The following CTNND1 variants were observed in gnomAD, a reference collection of about 807,000 sequenced individuals.
CTNND1 encodes the protein catenin delta 1, also known as catenin delta-1.
Under a neutral mutation model 112.1 loss-of-function variants are expected in CTNND1, and 16 were observed. The observed-to-expected ratio is 0.14, with a 90% CI of 0.10 to 0.22. The LOEUF (loss-of-function observed/expected upper bound fraction) is 0.22. Among genes scored for constraint, CTNND1 ranks in the 10% least tolerant of loss-of-function variants. The probability of loss-of-function intolerance (pLI) is 1.00; values close to 1 mark genes in which losing one functional copy is unlikely to be tolerated. For synonymous variants in CTNND1, 420 were observed against 446.5 expected, an observed-to-expected ratio of 0.94 and a Z score of 0.75; for missense variants, 1,008 against 1,257.0, an observed-to-expected ratio of 0.80 and a Z score of 3.00.
chr11:57,790,010 GT>G, intron 2 of CTNND1, among the ~76,000 whole-genome samples: 1 of 152,206 alleles, frequency 6.6e-6, no homozygotes. Context: ...CAAGGAACAC[GT>G]TTTGCCATCA....
chr11:57,799,893 C>T (rs1313999813), intron 6 of CTNND1, among the ~76,000 whole-genome samples: 1 of 150,534 alleles, frequency 6.6e-6, no homozygotes, highest in African/African-American at 2.4e-5. Context: ...TAACTATATC[C>T]TATTTTCCCT....
intron 1 of CTNND1, among the ~76,000 whole-genome samples, chr11:57,769,829 T>C (rs1428771364): frequency 6.6e-6 from 1 of 152,220 alleles, no homozygotes; most frequent in Non-Finnish European, 1.5e-5. Context: ...AAGACTGATC[T>C]CTTCTAGTGA....
intron 1 of CTNND1, among the ~76,000 whole-genome samples, chr11:57,787,119 G>A (rs752740359): frequency 1.7e-4 from 26 of 152,200 alleles, no homozygotes; most frequent in Non-Finnish European, 2.9e-4. Context: ...GATAGTAAAT[G>A]TAAAACATTC....
chr11:57,812,178 C>T (rs1371587266), intron 17 of CTNND1, among the ~76,000 whole-genome samples: 1 of 152,144 alleles, frequency 6.6e-6, no homozygotes, highest in Non-Finnish European at 1.5e-5. Context: ...GTCTTCATTG[C>T]CACTCACATA....
chr11:57,814,981 T>C (rs546156463), intron 18 of CTNND1, among the ~76,000 whole-genome samples: 3 of 152,320 alleles, frequency 2.0e-5, no homozygotes, highest in South Asian at 4.1e-4. Flanking sequence ...TCAAGTTCTT[T>C]TTTTGAGACA....
At chr11:57,785,879 A>G (rs892209182) in intron 1 of CTNND1, among the ~76,000 whole-genome samples, 2 of 151,356 alleles carry the variant, frequency 1.3e-5, no homozygotes, top group Admixed American at 6.6e-5. Context: ...TGGACCTCCT[A>G]TCTGGTTAGC....
intron 1 of CTNND1, among the ~76,000 whole-genome samples, chr11:57,772,909 C>G (rs1021188044): frequency 6.6e-6 from 1 of 152,042 alleles, no homozygotes; most frequent in Non-Finnish European, 1.5e-5. Context: ...AGCCCTGGCT[C>G]TTAACCTGGT....
intron 1 of CTNND1, among the ~76,000 whole-genome samples, chr11:57,771,287 A>G (rs535724777): frequency 6.6e-6 from 1 of 152,364 alleles, no homozygotes; most frequent in Non-Finnish European, 1.5e-5. Context: ...AAGAGCTTAC[A>G]TTCTAGTTGT....
intron 16 of CTNND1, 53 bp downstream of exon 16, chr11:57,810,276 A>C (rs970484565): frequency 1.5e-6 from 2 of 1,310,568 alleles, no homozygotes; most frequent in African/African-American, 3.0e-5. Flanking sequence ...TGGTCCCAGG[A>C]TAATGCTTCT....
intron 1 of CTNND1, among the ~76,000 whole-genome samples, chr11:57,779,568 A>G (rs1269610033): frequency 6.6e-6 from 1 of 152,194 alleles, no homozygotes; most frequent in Non-Finnish European, 1.5e-5. Context: ...GATTGCTAAC[A>G]TACCACTAGA....
intron 1 of CTNND1, among the ~76,000 whole-genome samples, chr11:57,769,072 T>G (rs1285303472): frequency 6.6e-6 from 1 of 151,602 alleles, no homozygotes; most frequent in Non-Finnish European, 1.5e-5. Flanking sequence ...TTTGGGAGGC[T>G]GAGGCAGGCG....
intron 9 of CTNND1, among the ~76,000 whole-genome samples, chr11:57,805,550 CT>C (rs55981926): frequency 0.93 from 140,238 of 151,418 alleles, 65,865 homozygotes; most frequent in East Asian, 1. Flanking sequence ...GCTTTTTTTT[CT>C]TTTTTTTTTA....
intron 3 of CTNND1, among the ~76,000 whole-genome samples, chr11:57,793,781 C>T (rs1033146580): frequency 6.6e-6 from 1 of 152,168 alleles, no homozygotes; most frequent in African/African-American, 2.4e-5. Flanking sequence ...AGTTTACGTT[C>T]TTATGTTCCA....
intron 1 of CTNND1, among the ~76,000 whole-genome samples, chr11:57,769,894 T>C (rs771206999): frequency 5.3e-5 from 8 of 151,550 alleles, no homozygotes; most frequent in Non-Finnish European, 8.8e-5. Context: ...CTTGATTAAT[T>C]ACTCATTTTG....
intron 1 of CTNND1, among the ~76,000 whole-genome samples, chr11:57,785,763 G>A (rs966861209): frequency 1.3e-5 from 2 of 151,764 alleles, no homozygotes. Context: ...TGGTCAGGCC[G>A]GTCTCAAACC....
At position 57,817,085 on chromosome 11, in the gene CTNND1, A is replaced by G. The variant is rs1256765911; in HGVS notation, c.*777A>G. The stretch of plus-strand genomic sequence containing the variant: ...ATATGTCTGCTGAGTTGGCCTGGCC[A>G]TTTCCAAGAGGCTGTAGAAAGGGGA... On this transcript the variant is annotated 3_prime_UTR_variant, in exon 21 of 21. Transcript: ENST00000399050. The G allele has an allele frequency of 6.5e-6, 1 of 152,946 alleles. No homozygotes were observed. Among genetic ancestry groups the G allele is most frequent in the Non-Finnish European group, 1.5e-5 (1 of 68,296 alleles). The allele number at this position is 152,946 out of a possible 1,614,324, so 9.5% of individuals were successfully genotyped here.
intron 1 of CTNND1, among the ~76,000 whole-genome samples, chr11:57,777,918 T>A (rs1225549139): frequency 6.6e-6 from 1 of 152,202 alleles, no homozygotes; most frequent in African/African-American, 2.4e-5. Context: ...TAATTTCCAA[T>A]GGGTTGTACA....
intron 2 of CTNND1, 72 bp from the exon 3 acceptor site, chr11:57,791,309 GCTCT>G: frequency 8.2e-7 from 1 of 1,213,946 alleles, no homozygotes; most frequent in Non-Finnish European, 1.1e-6. Flanking sequence ...GGCATCTTTG[GCTCT>G]GGGATTAATA....
intron 1 of CTNND1, among the ~76,000 whole-genome samples, chr11:57,763,637 A>G (rs1265563999): frequency 6.6e-6 from 1 of 152,244 alleles, no homozygotes; most frequent in Non-Finnish European, 1.5e-5. Context: ...CAATGTGTAT[A>G]GGCTGTTGAA....
Sources: gnomAD v4.1 joint callset for allele counts (sites outside exome capture counted in the v4.1 genomes callset) on GRCh38, gnomAD v4.1.1 for gene constraint, MANE v1.5 for transcripts, NCBI Gene and HGNC (gene_info 2026-07-23, HGNC 2026-07-21) for gene names.